CDC42EP4: variants seen among roughly 807,000 people sequenced by gnomAD.
The protein encoded by CDC42EP4 is CDC42 effector protein (Rho GTPase binding) 4.
Under a neutral mutation model 5.6 loss-of-function variants are expected in CDC42EP4, and 6 were observed. The observed-to-expected ratio is 1.07, with a 90% confidence interval of 0.59 to 2.12. The LOEUF (loss-of-function observed/expected upper bound fraction) is 2.12. Among genes scored for constraint, CDC42EP4 ranks in the 30% most tolerant of loss-of-function variants. The pLI, the probability that CDC42EP4 is intolerant of heterozygous loss-of-function variation, is 0.00. For missense variants in CDC42EP4, 490 were observed against 508.6 expected (o/e 0.96, Z 0.35); for synonymous variants, 230 against 224.2 (o/e 1.03, Z -0.23).
intron 1 of CDC42EP4, among the ~76,000 whole-genome samples, chr17:73,287,897 C>A (rs2062142196): frequency 6.6e-6 from 1 of 152,150 alleles, no homozygotes; most frequent in Non-Finnish European, 1.5e-5. Flanking sequence ...TGGTCTCCCT[C>A]CTGTCCATCC....
intron 1 of CDC42EP4, among the ~76,000 whole-genome samples, chr17:73,308,610 A>G (rs1256510142): frequency 6.6e-6 from 1 of 152,170 alleles, no homozygotes; most frequent in Non-Finnish European, 1.5e-5. Flanking sequence ...GGCCAACATC[A>G]AACACCTTTT....
At chr17:73,308,425 T>C (rs899074567) in intron 1 of CDC42EP4, among the ~76,000 whole-genome samples, 3 of 151,994 alleles carry the variant, frequency 2.0e-5, no homozygotes, top group Middle Eastern at 3.2e-3. Context: ...AGGGACGGAC[T>C]CCTCCCTCCC....
intron 1 of CDC42EP4, among the ~76,000 whole-genome samples, chr17:73,290,924 G>A (rs1287651551): frequency 6.6e-6 from 1 of 152,224 alleles, no homozygotes; most frequent in Non-Finnish European, 1.5e-5. Flanking sequence ...GCAGGTCACT[G>A]TGGCTGCCCA....
At chr17:73,287,816 C>A (rs1489720860) in intron 1 of CDC42EP4, among the ~76,000 whole-genome samples, 1 of 152,132 alleles carries the variant, frequency 6.6e-6, no homozygotes, top group Non-Finnish European at 1.5e-5. Context: ...CCTCCGCATG[C>A]CTGCCGCTGC....
Position 73,286,315 on chromosome 17 carries a change from G to A in CDC42EP4, c.186C>T (p.Gly62=), listed in dbSNP as rs772867520. 2.2e-5 allele frequency: 36 copies of A among 1,614,084 alleles called. No homozygotes were observed. The highest frequency in any genetic ancestry group is 3.0e-5 in the Non-Finnish European group (35 of 1,180,048). ...AAGAGGGCTGTTCGTCCAAGGACTCGCCGTCGGGCTCGCCAGCCTTGCTAT... is the reference window on the plus strand; with the variant it reads ...AAGAGGGCTGTTCGTCCAAGGACTCACCGTCGGGCTCGCCAGCCTTGCTAT... ...FLNSKAGEPD[G]ESLDEQPSSS... is the part of the protein sequence containing the mutation. The change falls in exon 2 of 2, where the codon GGC becomes GGT. Residue 62 remains glycine, a synonymous_variant. Coordinates refer to ENST00000335793, the MANE Select transcript of CDC42EP4 (RefSeq NM_012121.5). This position sits in a 1 kb window ranked among gnomAD's most constrained non-coding sequence, Gnocchi z 7.7.
intron 1 of CDC42EP4, among the ~76,000 whole-genome samples, chr17:73,299,347 G>A (rs1441252657): frequency 4.0e-5 from 6 of 150,178 alleles, no homozygotes; most frequent in Admixed American, 6.7e-5. Flanking sequence ...GGAAAATGGC[G>A]TGAACCCGGG....
Position 73,286,067 on chromosome 17 carries a change from T to C in CDC42EP4, c.434A>G (p.Lys145Arg). The change falls in exon 2 of 2, where the codon AAG becomes AGG. Residue 145 changes from lysine (K) to arginine (R), a missense_variant. Lys to Arg is a conservative substitution (Grantham distance 26). Coordinates refer to ENST00000335793, the MANE Select transcript of CDC42EP4 (RefSeq NM_012121.5). This position sits in a 1 kb window ranked among gnomAD's most constrained non-coding sequence, Gnocchi z 7.7. Reference sequence around the variant, plus strand: ...GCCGCCCTCCCCGTCATTGGCCTTCTTCACGGGGCTGGATGACAGGCTCTT... The same window carrying C: ...GCCGCCCTCCCCGTCATTGGCCTTCCTCACGGGGCTGGATGACAGGCTCTT... ...LPKSLSSSPVKKANDGEGGDE... is the reference protein window; with the variant it reads ...LPKSLSSSPVRKANDGEGGDE... 2 of 1,613,968 alleles carry C rather than the reference T, an allele frequency of 1.2e-6. No homozygotes were observed. Among genetic ancestry groups the C allele is most frequent in the Non-Finnish European group, 1.7e-6 (2 of 1,180,020 alleles).
chr17:73,297,564 G>C (rs918592706), intron 1 of CDC42EP4, among the ~76,000 whole-genome samples: 12 of 152,168 alleles, frequency 7.9e-5, no homozygotes. Flanking sequence ...ACACAAATAT[G>C]CATCTGTGAA....
chr17:73,285,961 A>T lies in CDC42EP4; in HGVS notation c.540T>A (p.Asp180Glu), dbSNP rs1288714917. The change falls in exon 2 of 2, where the codon GAT becomes GAA. Residue 180 changes from aspartate to glutamate, a missense_variant. Transcript: ENST00000335793. This position sits in a 1 kb window ranked among gnomAD's most constrained non-coding sequence, Gnocchi z 6.8. ...CTGTCAGATCCCCAAAGGCCTGCTC[A>T]TCGAGGAGGGGGTCAGGGGAATGTG... ...AGPHSPDPLL[D>E]EQAFGDLTDL... is the part of the protein sequence containing the mutation. 1.2e-6 allele frequency: 2 copies of T among 1,613,668 alleles called. No individual in the cohort carries two copies. The highest frequency in any genetic ancestry group is 2.2e-5 in the South Asian group (2 of 91,086).
chr17:73,304,195 A>G (rs1167790204), intron 1 of CDC42EP4, among the ~76,000 whole-genome samples: 2 of 152,106 alleles, frequency 1.3e-5, no homozygotes, highest in South Asian at 2.1e-4. Context: ...AGAAAGAACT[A>G]AGATTTGTTG....
At chr17:73,295,432 G>A (rs940382055) in intron 1 of CDC42EP4, among the ~76,000 whole-genome samples, 1 of 152,220 alleles carries the variant, frequency 6.6e-6, no homozygotes, top group African/African-American at 2.4e-5. Context: ...AGCTGGGAAA[G>A]AGAAGAGGGA....
At chr17:73,298,254 T>C (rs974129736) in intron 1 of CDC42EP4, among the ~76,000 whole-genome samples, 6 of 152,214 alleles carry the variant, frequency 3.9e-5, no homozygotes, top group Admixed American at 2.0e-4. Flanking sequence ...TGTTTTATTC[T>C]AAGTTGCCTG....
At chr17:73,295,995 A>C (rs1392109356) in intron 1 of CDC42EP4, among the ~76,000 whole-genome samples, 1 of 151,990 alleles carries the variant, frequency 6.6e-6, no homozygotes, top group Non-Finnish European at 1.5e-5. Flanking sequence ...GATTTAAATG[A>C]ATATGATTTA....
chr17:73,304,040 G>A (rs1019975544), intron 1 of CDC42EP4, among the ~76,000 whole-genome samples: 1 of 152,156 alleles, frequency 6.6e-6, no homozygotes, highest in Admixed American at 6.6e-5. Context: ...ATCTCTCCAT[G>A]TGGATCCCAA....
At chr17:73,303,897 C>T (rs557960722) in intron 1 of CDC42EP4, among the ~76,000 whole-genome samples, 2 of 152,182 alleles carry the variant, frequency 1.3e-5, no homozygotes, top group Non-Finnish European at 1.5e-5. Flanking sequence ...CAATAACTCA[C>T]TCAGCCAGGC....
chr17:73,304,019 T>C (rs962296541), intron 1 of CDC42EP4, among the ~76,000 whole-genome samples: 1 of 152,074 alleles, frequency 6.6e-6, no homozygotes, highest in African/African-American at 2.4e-5. Flanking sequence ...TCAAGAACAC[T>C]CCGGAATAAC....
chr17:73,290,030 T>G (rs901950879), intron 1 of CDC42EP4, among the ~76,000 whole-genome samples: 4 of 152,198 alleles, frequency 2.6e-5, no homozygotes, highest in South Asian at 2.1e-4. Context: ...AGGCTTCTAC[T>G]GCCACCAGCA....
chr17:73,287,139 C>A (rs755288905), intron 1 of CDC42EP4, among the ~76,000 whole-genome samples: 1 of 152,162 alleles, frequency 6.6e-6, no homozygotes, highest in Non-Finnish European at 1.5e-5. Context: ...AAGGACAGGA[C>A]GGGCTCAGGG....
chr17:73,292,415 G>A (rs1034112100), intron 1 of CDC42EP4, among the ~76,000 whole-genome samples: 1 of 150,050 alleles, frequency 6.7e-6, no homozygotes, highest in Admixed American at 6.7e-5. Context: ...CAGACCCACT[G>A]ATATTCACAA....
Sources: allele counts gnomAD v4.1 joint callset (sites outside exome capture counted in the v4.1 genomes callset), GRCh38; gene constraint gnomAD v4.1.1; non-coding constraint Gnocchi (gnomAD v3.1); transcripts MANE v1.5; gene names NCBI Gene and HGNC (gene_info 2026-07-23, HGNC 2026-07-21).